Variants in DPYSL2 observed in about 807,000 individuals in gnomAD.
The protein encoded by DPYSL2 is dihydropyrimidinase-related protein 2.
In DPYSL2, 13 loss-of-function variants were observed where a neutral mutation model predicts 69.9. The ratio of observed to expected loss-of-function variants is 0.19; its 90% CI spans 0.12 to 0.30. The LOEUF (loss-of-function observed/expected upper bound fraction) is 0.30, where lower values mean the gene tolerates loss of function less well. DPYSL2 is among the 10% of genes least tolerant of loss of function. The pLI, the probability that DPYSL2 is intolerant of heterozygous loss-of-function variation, is 1.00. For synonymous variants in DPYSL2, 326 were observed against 359.1 expected (o/e 0.91, Z 1.04); for missense variants, 587 against 918.9 (o/e 0.64, Z 4.67).
rs1383318680 is a variant in DPYSL2 at position 26,516,232 on chromosome 8, T to C, written c.354+1553T>C. Among the ~76,000 whole-genome samples the C allele has an allele frequency of 2.0e-5, 3 of 152,242 alleles. No individual in the cohort carries two copies. Among genetic ancestry groups the C allele is most frequent in the Non-Finnish European group, 4.4e-5 (3 of 68,048 alleles). Reference sequence around the variant, plus strand: ...AAGAAACTAAATCCAAAAAACTTGCTTTGTTCCAAGTGATCAGACAATTGA... The same window carrying C: ...AAGAAACTAAATCCAAAAAACTTGCCTTGTTCCAAGTGATCAGACAATTGA... On this transcript the variant is annotated intron_variant, in intron 1 of 13. Coordinates refer to ENST00000521913, the MANE Select transcript of DPYSL2 (RefSeq NM_001197293.3). This position sits in a 1 kb window ranked among gnomAD's most constrained non-coding sequence, Gnocchi z 4.8.
intron 1 of DPYSL2, 134 bp from the exon 2 acceptor site, chr8:26,581,835 C>T (rs1402194056): frequency 2.9e-6 from 2 of 699,276 alleles, no homozygotes; most frequent in Non-Finnish European, 4.9e-6. Context: ...ACCTTTGTCA[C>T]TGAACCTTTC....
intron 1 of DPYSL2, among the ~76,000 whole-genome samples, chr8:26,576,025 A>C (rs1801321839): frequency 6.6e-6 from 1 of 152,198 alleles, no homozygotes; most frequent in African/African-American, 2.4e-5. Context: ...ACTTGCCGAC[A>C]TCATCTCACC....
rs1802487278 is a variant in DPYSL2 at position 26,621,789 on chromosome 8, C to T, written c.629-2354C>T. On this transcript the variant is annotated intron_variant, in intron 3 of 13. Coordinates refer to ENST00000521913, the MANE Select transcript of DPYSL2 (RefSeq NM_001197293.3). The surrounding 1 kb of genome is among the most constrained non-coding windows in gnomAD (Gnocchi z 4.9). Reference sequence around the variant, plus strand: ...TCAAAGTGAAGAATGGCCGGGGTGGCCATTGTGGGTGAGCAGGTCAGGGAT... The same window carrying T: ...TCAAAGTGAAGAATGGCCGGGGTGGTCATTGTGGGTGAGCAGGTCAGGGAT... Among the ~76,000 whole-genome samples, 1 of 151,960 alleles carries T rather than the reference C, an allele frequency of 6.6e-6. No individual in the cohort carries two copies. The highest frequency in any genetic ancestry group is 6.6e-5 in the Admixed American group (1 of 15,256).
chr8:26,514,639 G>C lies in DPYSL2; in HGVS notation c.314G>C (p.Arg105Thr). ...TCGGGCCGGAAGGTGGAGATCCGGA[G>C]GGCCTCGGGCAAAGAAGCCCTGCAG... ...VESGRKVEIR[R>T]ASGKEALQNI... Residue 105 changes from arginine (R) to threonine (T), a missense_variant, in exon 1 of 14, where the codon AGG becomes ACG. Arg to Thr is a moderately conservative substitution (Grantham distance 71). This residue lies in a region of DPYSL2 where 85 missense variants were observed against 77.7 expected (regional missense o/e 1.09). Transcript: ENST00000521913. The surrounding 1 kb of genome is among the most constrained non-coding windows in gnomAD (Gnocchi z 8.4). 1 of 1,462,352 alleles carries C rather than the reference G, an allele frequency of 6.8e-7. No individual in the cohort carries two copies. Among genetic ancestry groups the C allele is most frequent in the Non-Finnish European group, 9.0e-7 (1 of 1,112,000 alleles). 90.6% of individuals were successfully genotyped at this position (1,462,352 alleles called of 1,614,324 possible).
chr8:26,599,688 G>C (rs1390650607), intron 3 of DPYSL2, among the ~76,000 whole-genome samples: 1 of 151,494 alleles, frequency 6.6e-6, no homozygotes, highest in East Asian at 1.9e-4. Context: ...CTGCACTCCA[G>C]CATGGGTAAT....
In DPYSL2 at chr8:26,593,097, G is replaced by A. The variant is rs898826139; in HGVS notation, c.628+9114G>A. ...TGAGTAGAAATTAGAGTTCTTTCTG[G>A]TTAACCCATTTGGGAGGTAGCTTTC... On this transcript the variant is annotated intron_variant, in intron 3 of 13. Coordinates refer to ENST00000521913, the MANE Select transcript of DPYSL2 (RefSeq NM_001197293.3). This position sits in a 1 kb window ranked among gnomAD's most constrained non-coding sequence, Gnocchi z 5.7. Among the ~76,000 whole-genome samples the A allele has an allele frequency of 2.0e-5, 3 of 152,140 alleles. No homozygotes were observed. Among genetic ancestry groups the A allele is most frequent in the African/African-American group, 7.2e-5 (3 of 41,416 alleles).
chr8:26,524,483 C>T (rs1808442334), intron 1 of DPYSL2, among the ~76,000 whole-genome samples: 1 of 151,990 alleles, frequency 6.6e-6, no homozygotes, highest in African/African-American at 2.4e-5. Flanking sequence ...ATTATATTTT[C>T]CAGGCTTTAA....
At chr8:26,555,840 T>C (rs927433207) in intron 1 of DPYSL2, among the ~76,000 whole-genome samples, 11 of 149,610 alleles carry the variant, frequency 7.4e-5, no homozygotes. Flanking sequence ...TGAGCCATGA[T>C]TGTCAGCCTG....
rs1200313948 is a variant in DPYSL2 at position 26,619,685 on chromosome 8, A to C, written c.629-4458A>C. Reference sequence around the variant, plus strand: ...GGTCCCAGTCTGGACCTGCAGCGTCAGAAACTCTGGGGTAAGGTCTGGGAA... The same window carrying C: ...GGTCCCAGTCTGGACCTGCAGCGTCCGAAACTCTGGGGTAAGGTCTGGGAA... On this transcript the variant is annotated intron_variant, in intron 3 of 13. Coordinates refer to ENST00000521913, the MANE Select transcript of DPYSL2 (RefSeq NM_001197293.3). The surrounding 1 kb of genome is among the most constrained non-coding windows in gnomAD (Gnocchi z 4.8). The C allele has an allele frequency of 6.6e-6, 1 of 152,270 alleles. No homozygotes were observed. Among genetic ancestry groups the C allele is most frequent in the Non-Finnish European group, 1.5e-5 (1 of 68,090 alleles). The allele number at this position is 152,270 out of a possible 1,614,324, so 9.4% of individuals were successfully genotyped here. A position where few individuals can be genotyped will look rare whatever the true frequency, so the allele number is the denominator to read the frequency against.
At position 26,624,052 on chromosome 8, in the gene DPYSL2, A is replaced by T; in HGVS notation, c.629-91A>T. 1 of 1,383,586 alleles carries T rather than the reference A, an allele frequency of 7.2e-7. No homozygotes were observed. Among genetic ancestry groups the T allele is most frequent in the Non-Finnish European group, 1.0e-6 (1 of 997,336 alleles). The allele number at this position is 1,383,586 out of a possible 1,614,324, so 85.7% of individuals were successfully genotyped here. Reference sequence around the variant, plus strand: ...CACCATCTCGATTTTGAACCCAAGAAGCCTTATTCAGGGTTCAAGTGGGAA... The same window carrying T: ...CACCATCTCGATTTTGAACCCAAGATGCCTTATTCAGGGTTCAAGTGGGAA... On this transcript the variant is annotated intron_variant, in intron 3 of 13. Transcript: ENST00000521913. This position sits in a 1 kb window ranked among gnomAD's most constrained non-coding sequence, Gnocchi z 4.7.
At position 26,653,102 on chromosome 8, in the gene DPYSL2, C is replaced by A. The variant is rs1377081263; in HGVS notation, c.1777-130C>A. 1.7e-6 allele frequency: 2 copies of A among 1,144,398 alleles called. No individual in the cohort carries two copies. The highest frequency in any genetic ancestry group is 2.5e-6 in the Non-Finnish European group (2 of 804,018). The allele number at this position is 1,144,398 out of a possible 1,614,324, so 70.9% of individuals were successfully genotyped here. The stretch of plus-strand genomic sequence containing the variant: ...GGTGGGAGCTGGCCCCACACAACAC[C>A]TGTCCACCTGTCTGTAAGGAGAGCC... On this transcript the variant is annotated intron_variant, in intron 12 of 13. Transcript: ENST00000521913. The surrounding 1 kb of genome is among the most constrained non-coding windows in gnomAD (Gnocchi z 5.7).
chr8:26,620,783 T>C lies in DPYSL2; in HGVS notation c.629-3360T>C, dbSNP rs1266389961. On this transcript the variant is annotated intron_variant, in intron 3 of 13. Coordinates refer to ENST00000521913, the MANE Select transcript of DPYSL2 (RefSeq NM_001197293.3). This position sits in a 1 kb window ranked among gnomAD's most constrained non-coding sequence, Gnocchi z 4.5. ...TCTTAGGAGGGATTTGTTTTTTTAA[T>C]CTTAAAGGAAATAGATATGTTAAAC... Among the ~76,000 whole-genome samples the C allele has an allele frequency of 6.6e-6, 1 of 152,210 alleles. No individual in the cohort carries two copies. The highest frequency in any genetic ancestry group is 6.5e-5 in the Admixed American group (1 of 15,276).
intron 1 of DPYSL2, among the ~76,000 whole-genome samples, chr8:26,551,075 A>G (rs977678702): frequency 5.3e-5 from 8 of 152,154 alleles, no homozygotes; most frequent in African/African-American, 1.7e-4. Flanking sequence ...CCCCAGATAC[A>G]CCTTCATAGA....
intron 1 of DPYSL2, among the ~76,000 whole-genome samples, chr8:26,573,646 G>A (rs1331150092): frequency 7.4e-6 from 1 of 134,468 alleles, no homozygotes; most frequent in Non-Finnish European, 1.6e-5. Context: ...ACAGCCTGGG[G>A]CAACAGAGCA....
Position 26,533,020 on chromosome 8 carries a change from G to A in DPYSL2, c.354+18341G>A, listed in dbSNP as rs191626587. On this transcript the variant is annotated intron_variant, in intron 1 of 13. Coordinates refer to ENST00000521913, the MANE Select transcript of DPYSL2 (RefSeq NM_001197293.3). This position sits in a 1 kb window ranked among gnomAD's most constrained non-coding sequence, Gnocchi z 4.8. ...GTTAGTGTATGAGGTTTCCAACTTC[G>A]CCGCATCCTTGTCTACACTTGTTAT... 4.3e-4 allele frequency among the ~76,000 whole-genome samples: 66 copies of A among 152,196 alleles called. No individual in the cohort carries two copies. Among genetic ancestry groups the A allele is most frequent in the African/African-American group, 1.5e-3 (62 of 41,526 alleles).
In DPYSL2 at chr8:26,641,144, G is replaced by A. The variant is rs939016464; in HGVS notation, c.1127-2295G>A. On this transcript the variant is annotated intron_variant, in intron 8 of 13. Coordinates refer to ENST00000521913, the MANE Select transcript of DPYSL2 (RefSeq NM_001197293.3). This position sits in a 1 kb window ranked among gnomAD's most constrained non-coding sequence, Gnocchi z 4.1. ...TACTTAAGTTTCTAGAGGCAGGGCC[G>A]AGGAGCAGGCACAGGGAGAGGATGA... Among the ~76,000 whole-genome samples, 2 of 152,188 alleles carry A rather than the reference G, an allele frequency of 1.3e-5. No individual in the cohort carries two copies. The highest frequency in any genetic ancestry group is 2.9e-5 in the Non-Finnish European group (2 of 68,024).
rs572675450 is a variant in DPYSL2 at position 26,580,133 on chromosome 8, C to T, written c.355-1836C>T. On this transcript the variant is annotated intron_variant, in intron 1 of 13. Transcript: ENST00000521913. The surrounding 1 kb of genome is among the most constrained non-coding windows in gnomAD (Gnocchi z 4.1). ...TGGCATCATGTTGGCTCGGGATATT[C>T]GCGGTGATGGCTGGGGCAGGTACCA... Among the ~76,000 whole-genome samples the T allele has an allele frequency of 2.6e-5, 4 of 151,974 alleles. No individual in the cohort carries two copies. Among genetic ancestry groups the T allele is most frequent in the African/African-American group, 9.7e-5 (4 of 41,440 alleles).
intron 1 of DPYSL2, among the ~76,000 whole-genome samples, chr8:26,535,716 T>C (rs1301275635): frequency 6.6e-6 from 1 of 151,952 alleles, no homozygotes; most frequent in Non-Finnish European, 1.5e-5. Context: ...TTAGATGAGC[T>C]GGTCAAGATG....
rs1013134682 is a variant in DPYSL2, at chr8:26,551,988, A to AT, written c.355-29975dup. On this transcript the variant is annotated intron_variant, in intron 1 of 13. Coordinates refer to ENST00000521913, the MANE Select transcript of DPYSL2 (RefSeq NM_001197293.3). ...GCTACCATGCCTGGCTAATTTTTAA[A>AT]TTTTTTATAGAGACGCGGTCTGACT... 5.3e-5 allele frequency among the ~76,000 whole-genome samples: 8 copies of AT among 152,042 alleles called. No homozygotes were observed. The South Asian group carries it at 1.7e-3, about 32-fold the overall frequency.
Sources: allele counts gnomAD v4.1 joint callset (sites outside exome capture counted in the v4.1 genomes callset), GRCh38; gene constraint gnomAD v4.1.1; regional missense constraint gnomAD v4.1.1; non-coding constraint Gnocchi (gnomAD v3.1); transcripts MANE v1.5; gene names NCBI Gene and HGNC (gene_info 2026-07-23, HGNC 2026-07-21).